The following STX8 variants were observed in gnomAD, a reference collection of about 807,000 sequenced individuals.
STX8 encodes the protein syntaxin-8.
A neutral mutation model predicts 37.5 loss-of-function variants in STX8; 23 were observed. The observed-to-expected ratio is 0.61, with a 90% CI of 0.44 to 0.87. The LOEUF is 0.87. STX8 is among the 40% of genes least tolerant of loss of function. The pLI is 0.00. For synonymous variants in STX8, 115 were observed against 99.1 expected, an observed-to-expected ratio of 1.16 and a Z score of -0.95; for missense variants, 313 against 284.7, an observed-to-expected ratio of 1.10 and a Z score of -0.71.
intron 6 of STX8, among the ~76,000 whole-genome samples, chr17:9,408,264 CATT>C (rs1415063845): frequency 6.6e-6 from 1 of 152,138 alleles, no homozygotes; most frequent in Non-Finnish European, 1.5e-5. Context: ...CTTTGGACTC[CATT>C]TGTGGCGGGA....
intron 6 of STX8, among the ~76,000 whole-genome samples, chr17:9,435,235 G>A (rs568529190): frequency 1.3e-5 from 2 of 152,280 alleles, no homozygotes; most frequent in African/African-American, 2.4e-5. Context: ...TTGAAGGACC[G>A]TTCAGGTGAA....
intron 7 of STX8, among the ~76,000 whole-genome samples, chr17:9,340,312 C>T (rs529915622): frequency 6.6e-6 from 1 of 152,346 alleles, no homozygotes; most frequent in South Asian, 2.1e-4. Context: ...ATTAATAGCC[C>T]TCTCAAACAG....
At chr17:9,432,538 C>G (rs1483171727) in intron 6 of STX8, among the ~76,000 whole-genome samples, 3 of 152,106 alleles carry the variant, frequency 2.0e-5, no homozygotes, top group African/African-American at 7.2e-5. Flanking sequence ...ATAGGCCACA[C>G]TAAAGTATTA....
intron 7 of STX8, among the ~76,000 whole-genome samples, chr17:9,255,246 G>A (rs371438391): frequency 1.3e-5 from 2 of 152,294 alleles, no homozygotes; most frequent in East Asian, 1.9e-4. Flanking sequence ...ATGAAAATGG[G>A]CCAGGCGCTG....
chr17:9,535,399 C>T (rs1693171009), intron 4 of STX8, among the ~76,000 whole-genome samples: 1 of 145,878 alleles, frequency 6.9e-6, no homozygotes. Context: ...TACAAACGCA[C>T]ATACCCTCTG....
chr17:9,326,591 G>A (rs1373379908), intron 7 of STX8, among the ~76,000 whole-genome samples: 1 of 152,152 alleles, frequency 6.6e-6, no homozygotes, highest in Non-Finnish European at 1.5e-5. Flanking sequence ...GTGGAGTTAC[G>A]ACCCTGATCA....
At chr17:9,490,341 T>A (rs4791842) in intron 6 of STX8, among the ~76,000 whole-genome samples, 96,137 of 151,950 alleles carry the variant, frequency 0.63, 32,691 homozygotes, top group Middle Eastern at 0.8. Flanking sequence ...TGTTCGTCTA[T>A]CCCCAGGGCT....
At chr17:9,484,782 G>A (rs142813510) in intron 6 of STX8, among the ~76,000 whole-genome samples, 29 of 152,220 alleles carry the variant, frequency 1.9e-4, no homozygotes, top group African/African-American at 6.5e-4. Context: ...AGGCGAGATC[G>A]TGCCATTACA....
intron 7 of STX8, among the ~76,000 whole-genome samples, chr17:9,301,963 C>T (rs1340395570): frequency 6.6e-6 from 1 of 152,050 alleles, no homozygotes; most frequent in Admixed American, 6.5e-5. Flanking sequence ...AATAGGATGC[C>T]TTCCTTCTTT....
chr17:9,279,149 C>T (rs1297769272), intron 7 of STX8, among the ~76,000 whole-genome samples: 1 of 151,868 alleles, frequency 6.6e-6, no homozygotes, highest in African/African-American at 2.4e-5. Flanking sequence ...TTGCAACCTC[C>T]CGGGTTCAAG....
At chr17:9,477,147 C>T (rs28435448) in intron 6 of STX8, among the ~76,000 whole-genome samples, 3,790 of 152,220 alleles carry the variant, frequency 0.025, 136 homozygotes, top group African/African-American at 0.084. Flanking sequence ...CACAAGGCAC[C>T]GTGCCCAGCT....
At chr17:9,287,723 G>A (rs890771408) in intron 7 of STX8, among the ~76,000 whole-genome samples, 2 of 152,092 alleles carry the variant, frequency 1.3e-5, no homozygotes, top group African/African-American at 4.8e-5. Flanking sequence ...TCCCACCCAT[G>A]CCTATAGAAC....
intron 6 of STX8, among the ~76,000 whole-genome samples, chr17:9,434,623 G>C (rs903526203): frequency 9.8e-5 from 15 of 152,310 alleles, no homozygotes; most frequent in African/African-American, 3.4e-4. Flanking sequence ...CTGATATAGG[G>C]CAGGCAGGCT....
intron 4 of STX8, among the ~76,000 whole-genome samples, chr17:9,526,644 G>A (rs1905582738): frequency 6.6e-6 from 1 of 152,172 alleles, no homozygotes; most frequent in Non-Finnish European, 1.5e-5. Context: ...GGCCGATATG[G>A]GCTGATCAAG....
chr17:9,324,434 C>T (rs1014738846), intron 7 of STX8, among the ~76,000 whole-genome samples: 5 of 151,912 alleles, frequency 3.3e-5, no homozygotes, highest in Admixed American at 1.3e-4. Flanking sequence ...GCTCCTGGTG[C>T]GCAGTGTGAT....
intron 6 of STX8, among the ~76,000 whole-genome samples, chr17:9,462,746 GA>G (rs1289161492): frequency 6.6e-6 from 1 of 152,016 alleles, no homozygotes. Context: ...TTTCCATCAG[GA>G]AAAAAGCATG....
chr17:9,543,640 C>T (rs78574889), intron 4 of STX8, among the ~76,000 whole-genome samples: 1,698 of 152,222 alleles, frequency 0.011, 35 homozygotes, highest in African/African-American at 0.038. Context: ...TTCCTTTGCT[C>T]ACCTGTTCTC....
In STX8 at chr17:9,475,880, T is replaced by C. The variant is rs1906082015; in HGVS notation, c.541+15949A>G. On this transcript the variant is annotated intron_variant, in intron 6 of 7. Transcript: ENST00000306357. ...CCACTCAAGAAAGAAGCCTTTCGGG[T>C]AAATAAACTTGCCTAAAGGGCCGCC... 3.9e-5 allele frequency among the ~76,000 whole-genome samples: 6 copies of C among 152,046 alleles called. No individual in the cohort carries two copies. In the South Asian group the frequency reaches 1.2e-3, roughly 32 times the overall value.
At chr17:9,435,401 G>A (rs9902025) in intron 6 of STX8, among the ~76,000 whole-genome samples, 32,711 of 152,004 alleles carry the variant, frequency 0.22, 3,799 homozygotes, top group Middle Eastern at 0.27. Flanking sequence ...GAGTGAGAGA[G>A]ACCCAAAGAC....
Sources: allele counts gnomAD v4.1 joint callset (sites outside exome capture counted in the v4.1 genomes callset), GRCh38; gene constraint gnomAD v4.1.1; transcripts MANE v1.5; gene names NCBI Gene and HGNC (gene_info 2026-07-23, HGNC 2026-07-21).